Variants in MBNL1 observed in about 807,000 individuals in gnomAD.
MBNL1 encodes muscleblind like splicing regulator 1, also known as muscleblind-like protein 1.
In MBNL1, 8 loss-of-function variants were observed where a neutral mutation model predicts 42.2. The ratio of observed to expected loss-of-function variants is 0.19; its 90% confidence interval spans 0.11 to 0.34. The LOEUF (loss-of-function observed/expected upper bound fraction) is 0.34, where lower values mean the gene tolerates loss of function less well. MBNL1 is among the 10% of genes least tolerant of loss of function. The pLI is 1.00. For synonymous variants in MBNL1, 169 were observed against 173.9 expected, an observed-to-expected ratio of 0.97 and a Z score of 0.22; for missense variants, 309 against 495.3, an observed-to-expected ratio of 0.62 and a Z score of 3.57.
At chr3:152,305,964 T>G (rs554427531) in intron 2 of MBNL1, among the ~76,000 whole-genome samples, 2 of 152,240 alleles carry the variant, frequency 1.3e-5, no homozygotes, top group African/African-American at 2.4e-5. Flanking sequence ...GATAAAACTT[T>G]CTATGCTATG....
At chr3:152,352,939 G>A (rs1213160778) in intron 2 of MBNL1, among the ~76,000 whole-genome samples, 4 of 152,032 alleles carry the variant, frequency 2.6e-5, no homozygotes, top group African/African-American at 4.8e-5. Flanking sequence ...TAAACTTCTT[G>A]GATTATGTAG....
In MBNL1 at chr3:152,463,280, A is replaced by T. The variant is rs1464151213; in HGVS notation, c.*914A>T. The T allele has an allele frequency of 6.6e-6, 1 of 151,704 alleles. No individual in the cohort carries two copies. Among genetic ancestry groups the T allele is most frequent in the East Asian group, 1.9e-4 (1 of 5,190 alleles). The allele number at this position is 151,704 out of a possible 1,614,324, so 9.4% of individuals were successfully genotyped here. ...GATATATATATAATAGATATATATA[A>T]AATTATTTTAATGCATTGTAGTGTA... On this transcript the variant is annotated 3_prime_UTR_variant, in exon 10 of 10. Transcript: ENST00000324210.
intron 4 of MBNL1, among the ~76,000 whole-genome samples, chr3:152,436,654 G>T (rs1234202223): frequency 6.6e-6 from 1 of 152,124 alleles, no homozygotes; most frequent in Admixed American, 6.6e-5. Flanking sequence ...CAAAAAGCTG[G>T]TTATAACTCT....
At chr3:152,395,943 G>A (rs537022635) in intron 2 of MBNL1, among the ~76,000 whole-genome samples, 1 of 152,310 alleles carries the variant, frequency 6.6e-6, no homozygotes, top group African/African-American at 2.4e-5. Flanking sequence ...ACAGCAGGAG[G>A]TGAGTGGCTG....
At chr3:152,441,022 A>G (rs1239836051) in intron 4 of MBNL1, among the ~76,000 whole-genome samples, 1 of 152,216 alleles carries the variant, frequency 6.6e-6, no homozygotes, top group Non-Finnish European at 1.5e-5. Flanking sequence ...GTTAAAATGG[A>G]CAAAGTCCCT....
At chr3:152,446,670 A>G in intron 5 of MBNL1, 2 of 1,601,560 alleles carry the variant, frequency 1.2e-6, no homozygotes, top group South Asian at 1.1e-5. Context: ...CCACTGGCCC[A>G]TTGCCATCAT....
At chr3:152,334,293 C>A (rs2087732898) in intron 2 of MBNL1, among the ~76,000 whole-genome samples, 1 of 152,072 alleles carries the variant, frequency 6.6e-6, no homozygotes, top group African/African-American at 2.4e-5. Context: ...TTTTACTTAT[C>A]CTTTGTTGAG....
At chr3:152,429,899 A>G (rs2098984329) in intron 3 of MBNL1, among the ~76,000 whole-genome samples, 1 of 152,150 alleles carries the variant, frequency 6.6e-6, no homozygotes, top group East Asian at 1.9e-4. Flanking sequence ...AAATAGCTCT[A>G]CTTATCGAAA....
rs147353545 is a variant in MBNL1 at position 152,366,525 on chromosome 3, G to A, written c.175-48416G>A. ...TGTTGATGCTATGGAAAATTTAACC[G>A]AATTAAGCTATAATGCTTCACTTAC... On this transcript the variant is annotated intron_variant, in intron 2 of 9. Coordinates refer to ENST00000324210, the MANE Select transcript of MBNL1 (RefSeq NM_021038.5). Among the ~76,000 whole-genome samples, 884 of 152,202 alleles carry A rather than the reference G, an allele frequency of 5.8e-3. 6 individuals carry two copies. The highest frequency in any genetic ancestry group is 0.011 in the Admixed American group (164 of 15,270).
chr3:152,321,689 A>G (rs777767836), intron 2 of MBNL1, among the ~76,000 whole-genome samples: 8 of 152,064 alleles, frequency 5.3e-5, no homozygotes, highest in African/African-American at 2.4e-5. Flanking sequence ...AAAATGCTCA[A>G]GAGACAGTAG....
At chr3:152,427,751 A>T (rs2098952310) in intron 3 of MBNL1, among the ~76,000 whole-genome samples, 1 of 150,442 alleles carries the variant, frequency 6.6e-6, no homozygotes, top group African/African-American at 2.4e-5. Flanking sequence ...TTTTTAAAAT[A>T]AAAATTTTAA....
intron 2 of MBNL1, among the ~76,000 whole-genome samples, chr3:152,342,139 C>G (rs559538049): frequency 6.6e-6 from 1 of 152,266 alleles, no homozygotes; most frequent in East Asian, 1.9e-4. Context: ...AAGTGTGGCT[C>G]CAGAGTCCAT....
chr3:152,370,528 G>C (rs2096612082), intron 2 of MBNL1, among the ~76,000 whole-genome samples: 1 of 152,170 alleles, frequency 6.6e-6, no homozygotes, highest in Non-Finnish European at 1.5e-5. Context: ...TTTGTCCAGA[G>C]CTGAGTTCAA....
At chr3:152,342,217 C>T (rs573283403) in intron 2 of MBNL1, among the ~76,000 whole-genome samples, 1 of 152,032 alleles carries the variant, frequency 6.6e-6, no homozygotes, top group African/African-American at 2.4e-5. Flanking sequence ...CAGTCCTAAC[C>T]CTTTTCATAG....
In MBNL1 at chr3:152,340,886, G is replaced by C. The variant is rs535926483; in HGVS notation, c.174+40519G>C. 6.8e-6 allele frequency: 11 copies of C among 1,612,274 alleles called. No homozygotes were observed. The African/African-American group carries it at 1.5e-4, about 22-fold the overall frequency. On this transcript the variant is annotated intron_variant, in intron 2 of 9. Transcript: ENST00000324210. Reference sequence around the variant, plus strand: ...CCAAGCCAGTATAAAGGCACCTGTGGGCCAGGGTCCATCTGCATTGTTCTC... The same window carrying C: ...CCAAGCCAGTATAAAGGCACCTGTGCGCCAGGGTCCATCTGCATTGTTCTC...
chr3:152,351,854 A>G (rs2095037874), intron 2 of MBNL1, among the ~76,000 whole-genome samples: 1 of 152,230 alleles, frequency 6.6e-6, no homozygotes, highest in South Asian at 2.1e-4. Flanking sequence ...GCCTTATTAA[A>G]TGTTAGCTAC....
chr3:152,328,139 T>C (rs1440435151), intron 2 of MBNL1, among the ~76,000 whole-genome samples: 1 of 152,144 alleles, frequency 6.6e-6, no homozygotes, highest in African/African-American at 2.4e-5. Context: ...TTATCTCCTA[T>C]AGTGTGTGTT....
At chr3:152,319,981 A>G (rs1296600125) in intron 2 of MBNL1, among the ~76,000 whole-genome samples, 1 of 152,156 alleles carries the variant, frequency 6.6e-6, no homozygotes, top group Non-Finnish European at 1.5e-5. Context: ...TTTATGTGTC[A>G]TAGAATACAC....
At chr3:152,359,353 A>G (rs192408271) in intron 2 of MBNL1, among the ~76,000 whole-genome samples, 2 of 152,332 alleles carry the variant, frequency 1.3e-5, no homozygotes, top group African/African-American at 4.8e-5. Context: ...CTAAAATTCC[A>G]TCTATTATTT....
Sources: allele counts gnomAD v4.1 joint callset (sites outside exome capture counted in the v4.1 genomes callset), GRCh38; gene constraint gnomAD v4.1.1; transcripts MANE v1.5; gene names NCBI Gene and HGNC (gene_info 2026-07-23, HGNC 2026-07-21).